RPRD1B: variants seen among roughly 807,000 people sequenced by gnomAD.
RPRD1B encodes the protein regulation of nuclear pre-mRNA domain-containing protein 1B.
RPRD1B carries 11 observed loss-of-function variants against 41.5 expected under a neutral mutation model. The ratio of observed to expected loss-of-function variants is 0.27; its 90% CI spans 0.17 to 0.44. RPRD1B has a LOEUF of 0.44. Ranked by LOEUF, RPRD1B falls within the 20% of genes least tolerant of loss-of-function variation. RPRD1B has a pLI of 1.00. For synonymous variants in RPRD1B, 158 were observed against 155.6 expected (o/e 1.02, Z -0.12); for missense variants, 248 against 389.9 (o/e 0.64, Z 3.06).
intron 6 of RPRD1B, among the ~76,000 whole-genome samples, chr20:38,072,050 T>G (rs1454622526): frequency 6.6e-6 from 1 of 152,234 alleles, no homozygotes; most frequent in Non-Finnish European, 1.5e-5. Flanking sequence ...TTTGTGGTTG[T>G]TGCTCATGCT....
At chr20:38,061,880 C>T (rs1401206959) in intron 5 of RPRD1B, among the ~76,000 whole-genome samples, 1 of 152,096 alleles carries the variant, frequency 6.6e-6, no homozygotes, top group Non-Finnish European at 1.5e-5. Flanking sequence ...CCCGCAAACA[C>T]CCATGTTTTA....
At chr20:38,053,053 T>G (rs976317921) in intron 3 of RPRD1B, among the ~76,000 whole-genome samples, 4 of 151,994 alleles carry the variant, frequency 2.6e-5, no homozygotes, top group Non-Finnish European at 4.4e-5. Context: ...GTGCCCAGTA[T>G]GAGGACAGAA....
At chr20:38,077,134 T>C (rs913464359) in intron 6 of RPRD1B, among the ~76,000 whole-genome samples, 2 of 151,610 alleles carry the variant, frequency 1.3e-5, no homozygotes, top group Admixed American at 6.6e-5. Flanking sequence ...ACCAGGCGAG[T>C]CTTGAACTCA....
intron 6 of RPRD1B, among the ~76,000 whole-genome samples, chr20:38,076,833 A>T (rs1299704911): frequency 6.9e-6 from 1 of 144,022 alleles, no homozygotes; most frequent in Non-Finnish European, 1.5e-5. Flanking sequence ...CTGCTTTTTC[A>T]TCCTTCAATA....
At chr20:38,066,382 A>G (rs2074356408) in intron 6 of RPRD1B, 126 bp downstream of exon 6, 1 of 891,350 alleles carries the variant, frequency 1.1e-6, no homozygotes, top group Non-Finnish European at 1.7e-6. Context: ...GTGAATTCTG[A>G]ACATCCATCA....
chr20:38,086,564 G>A (rs571262590), intron 6 of RPRD1B, among the ~76,000 whole-genome samples: 3 of 152,022 alleles, frequency 2.0e-5, no homozygotes, highest in Non-Finnish European at 4.4e-5. Flanking sequence ...CGAACTCCTG[G>A]CCTCAAGCAG....
intron 6 of RPRD1B, among the ~76,000 whole-genome samples, chr20:38,086,425 A>G (rs1184696316): frequency 6.6e-6 from 1 of 152,216 alleles, no homozygotes; most frequent in East Asian, 1.9e-4. Flanking sequence ...TTTTCAGAGT[A>G]TATACCCGGT....
intron 4 of RPRD1B, among the ~76,000 whole-genome samples, chr20:38,058,256 C>T (rs956126463): frequency 2.0e-5 from 3 of 149,780 alleles, no homozygotes; most frequent in South Asian, 2.1e-4. Context: ...AAGGCGGGGG[C>T]GGGGGGGGCT....
intron 2 of RPRD1B, among the ~76,000 whole-genome samples, chr20:38,047,446 A>G (rs2074132122): frequency 6.6e-6 from 1 of 152,178 alleles, no homozygotes; most frequent in African/African-American, 2.4e-5. Flanking sequence ...AAAGCCATTT[A>G]ACTTAGATAC....
At chr20:38,072,074 GTAA>G (rs1260939719) in intron 6 of RPRD1B, among the ~76,000 whole-genome samples, 1 of 152,150 alleles carries the variant, frequency 6.6e-6, no homozygotes, top group Middle Eastern at 3.2e-3. Context: ...GGTGTCACAT[GTAA>G]TAATCTGTTG....
At chr20:38,040,187 C>T (rs1471848849) in intron 1 of RPRD1B, among the ~76,000 whole-genome samples, 1 of 151,972 alleles carries the variant, frequency 6.6e-6, no homozygotes, top group African/African-American at 2.4e-5. Context: ...TTTTTACTAT[C>T]AATTAATTAC....
intron 3 of RPRD1B, 96 bp downstream of exon 3, chr20:38,048,577 G>A (rs895445232): frequency 3.0e-5 from 44 of 1,490,058 alleles, no homozygotes; most frequent in Admixed American, 8.7e-5. Flanking sequence ...AACCACCAGC[G>A]ATTTTATGAT....
chr20:38,056,159 G>A (rs1355929923), intron 3 of RPRD1B, among the ~76,000 whole-genome samples: 1 of 152,126 alleles, frequency 6.6e-6, no homozygotes, highest in African/African-American at 2.4e-5. Context: ...GACCAAGGCG[G>A]GTGGGTCACT....
intron 6 of RPRD1B, among the ~76,000 whole-genome samples, chr20:38,073,349 G>T (rs1404726538): frequency 1.3e-5 from 2 of 152,148 alleles, no homozygotes; most frequent in Non-Finnish European, 2.9e-5. Flanking sequence ...TGAACTTAAA[G>T]CTGCTGGTGT....
At position 38,059,524 on chromosome 20, in the gene RPRD1B, A is replaced by G. The variant is rs373671020; in HGVS notation, c.655+4A>G. 3.2e-5 allele frequency: 52 copies of G among 1,613,516 alleles called. No homozygotes were observed. The highest frequency in any genetic ancestry group is 5.0e-5 in the Admixed American group (3 of 59,972). On this transcript the variant is annotated splice_donor_region_variant and intron_variant, in intron 5 of 6. Transcript: ENST00000373433. ...TCTCTATTGGAAAAAATAACAGGTG[A>G]GAAGGTAGAGTTTGGGTGAAAGGTG...
intron 6 of RPRD1B, among the ~76,000 whole-genome samples, chr20:38,069,524 A>G (rs2074390889): frequency 6.6e-6 from 1 of 152,224 alleles, no homozygotes; most frequent in Non-Finnish European, 1.5e-5. Context: ...ACAAAGTCAG[A>G]TGTGGGAAGG....
At position 38,052,954 on chromosome 20, in the gene RPRD1B, T is replaced by C. The variant is rs548926365; in HGVS notation, c.415+4473T>C. On this transcript the variant is annotated intron_variant, in intron 3 of 6. Transcript: ENST00000373433. ...CAATCAGGTTGTAAGAGGCATACCATAAACCCTTAGGTAACGAGGATTACT... is the reference window on the plus strand; with the variant it reads ...CAATCAGGTTGTAAGAGGCATACCACAAACCCTTAGGTAACGAGGATTACT... Among the ~76,000 whole-genome samples, 157 of 152,104 alleles carry C rather than the reference T, an allele frequency of 1.0e-3. 2 individuals carry two copies. The highest frequency in any genetic ancestry group is 3.7e-3 in the African/African-American group (154 of 41,480).
At chr20:38,055,464 T>A (rs1486278202) in intron 3 of RPRD1B, among the ~76,000 whole-genome samples, 3 of 151,764 alleles carry the variant, frequency 2.0e-5, no homozygotes, top group Non-Finnish European at 4.4e-5. Flanking sequence ...TTTTTTTTTG[T>A]TAGCGTCTCT....
chr20:38,037,466 A>G lies in RPRD1B; in HGVS notation c.152-2969A>G, dbSNP rs532321869. On this transcript the variant is annotated intron_variant, in intron 1 of 6. Transcript: ENST00000373433. The stretch of plus-strand genomic sequence containing the variant: ...ATTTTACTCAACAACTAGTTTGACC[A>G]GTTTGGAATGGACATGGGTAGTGAG... Among the ~76,000 whole-genome samples, 200 of 152,340 alleles carry G rather than the reference A, an allele frequency of 1.3e-3. 2 individuals are homozygous for G. The highest frequency in any genetic ancestry group is 2.3e-3 in the Non-Finnish European group (154 of 68,032).
Sources: gnomAD v4.1 joint callset for allele counts (sites outside exome capture counted in the v4.1 genomes callset) on GRCh38, gnomAD v4.1.1 for gene constraint, MANE v1.5 for transcripts, NCBI Gene and HGNC (gene_info 2026-07-23, HGNC 2026-07-21) for gene names.